Variants in SPTSSA observed in about 807,000 individuals in gnomAD.
SPTSSA encodes small subunit of serine palmitoyltransferase A.
A neutral mutation model predicts 9.1 loss-of-function variants in SPTSSA; 8 were observed. That is an observed-to-expected ratio of 0.88 (90% CI 0.51 to 1.58). The LOEUF (loss-of-function observed/expected upper bound fraction) is 1.58, where lower values mean the gene tolerates loss of function less well. Among genes scored for constraint, SPTSSA ranks in the 40% most tolerant of loss-of-function variants. The pLI, the probability that SPTSSA is intolerant of heterozygous loss-of-function variation, is 0.00. For missense variants in SPTSSA, 100 were observed against 93.8 expected (o/e 1.07, Z -0.27); for synonymous variants, 42 against 37.7 (o/e 1.11, Z -0.41).
intron 1 of SPTSSA, among the ~76,000 whole-genome samples, chr14:34,453,928 C>T (rs150882111): frequency 5.3e-4 from 80 of 151,760 alleles, no homozygotes; most frequent in African/African-American, 1.9e-3. Flanking sequence ...ACCTGTAATC[C>T]GAGCACTTTG....
intron 1 of SPTSSA, among the ~76,000 whole-genome samples, chr14:34,457,244 G>T (rs1229261092): frequency 1.3e-5 from 2 of 151,832 alleles, no homozygotes; most frequent in African/African-American, 4.8e-5. Context: ...TCCCAAAGTT[G>T]ATTCAAATTA....
chr14:34,439,744 G>C (rs1883290464), intron 1 of SPTSSA, among the ~76,000 whole-genome samples: 1 of 152,304 alleles, frequency 6.6e-6, no homozygotes, highest in East Asian at 1.9e-4. Flanking sequence ...TGTCTAGTGT[G>C]TGTCTGGTAC....
intron 1 of SPTSSA, among the ~76,000 whole-genome samples, chr14:34,435,621 C>CTTTT (rs1222408409): frequency 9.5e-6 from 1 of 105,750 alleles, no homozygotes; most frequent in Admixed American, 9.4e-5. Context: ...TTGTTTGTTT[C>CTTTT]TCTTTTTTTT....
intron 1 of SPTSSA, among the ~76,000 whole-genome samples, chr14:34,451,824 A>C (rs1883532925): frequency 6.6e-6 from 1 of 152,174 alleles, no homozygotes; most frequent in Non-Finnish European, 1.5e-5. Context: ...AAGAAAACAA[A>C]GCATTTGACG....
At chr14:34,450,234 C>T (rs1883495828) in intron 1 of SPTSSA, among the ~76,000 whole-genome samples, 2 of 152,158 alleles carry the variant, frequency 1.3e-5, no homozygotes, top group African/African-American at 4.8e-5. Context: ...CAAGTTCATC[C>T]TGCTACTAAT....
At chr14:34,454,085 C>T (rs1288878189) in intron 1 of SPTSSA, among the ~76,000 whole-genome samples, 1 of 151,990 alleles carries the variant, frequency 6.6e-6, no homozygotes, top group African/African-American at 2.4e-5. Flanking sequence ...GAAGCTGAGG[C>T]GGGAAGATCA....
chr14:34,448,406 T>C (rs1883462104), intron 1 of SPTSSA, among the ~76,000 whole-genome samples: 1 of 152,234 alleles, frequency 6.6e-6, no homozygotes, highest in Non-Finnish European at 1.5e-5. Flanking sequence ...TTTATGGGGA[T>C]CACATCTCAA....
chr14:34,452,009 C>T lies in SPTSSA; in HGVS notation c.112+10087G>A, dbSNP rs529096126. ...ACAGAAATGTAAAGAAAGTGCCTAG[C>T]GTGGTGGCTCACGCCTGTAATCCCA... On this transcript the variant is annotated intron_variant, in intron 1 of 1. Coordinates refer to ENST00000298130, the MANE Select transcript of SPTSSA (RefSeq NM_138288.4). 7.1e-4 allele frequency among the ~76,000 whole-genome samples: 108 copies of T among 151,892 alleles called. 3 individuals are homozygous for T. Among genetic ancestry groups the T allele is most frequent in the Non-Finnish European group, 5.4e-4 (37 of 67,998 alleles).
At chr14:34,461,941 G>C (rs1448752941) in intron 1 of SPTSSA, among the ~76,000 whole-genome samples, 155 bp downstream of exon 1, 1 of 48,596 alleles carries the variant, frequency 2.1e-5, no homozygotes. Context: ...CGCCGCCCTC[G>C]GCCCCCAGAC....
At chr14:34,438,700 C>T (rs914538821) in intron 1 of SPTSSA, among the ~76,000 whole-genome samples, 1 of 152,150 alleles carries the variant, frequency 6.6e-6, no homozygotes, top group Non-Finnish European at 1.5e-5. Context: ...TTCAAATTAC[C>T]TATGACTTCT....
intron 1 of SPTSSA, among the ~76,000 whole-genome samples, chr14:34,457,970 G>GAAAA (rs1566427256): frequency 1.3e-4 from 11 of 83,370 alleles, no homozygotes; most frequent in Admixed American, 2.5e-4. Flanking sequence ...AGACTGTCTC[G>GAAAA]GAAAAAAAAA....
intron 1 of SPTSSA, among the ~76,000 whole-genome samples, chr14:34,460,979 G>T (rs1179479410): frequency 6.6e-6 from 1 of 152,130 alleles, no homozygotes; most frequent in Non-Finnish European, 1.5e-5. Flanking sequence ...TCAGCTTTGA[G>T]TACAACCTTA....
Position 34,457,979 on chromosome 14 carries a change from AAAAAAAAAAAAC to A in SPTSSA, c.112+4105_112+4116del, listed in dbSNP as rs1360132888. Among the ~76,000 whole-genome samples the A allele has an allele frequency of 3.9e-4, 58 of 149,520 alleles. 1 individual carries two copies. The East Asian group carries it at 6.6e-3, about 17-fold the overall frequency. On this transcript the variant is annotated intron_variant, in intron 1 of 1. Transcript: ENST00000298130. ...AGAGCAAGACTGTCTCGGAAAAAAA[AAAAAAAAAAAAC>A]AAAGAAAAGAAAAGAAAAGACAGAT...
intron 1 of SPTSSA, among the ~76,000 whole-genome samples, chr14:34,450,176 GTTCT>G (rs1158573251): frequency 6.6e-6 from 1 of 152,170 alleles, no homozygotes; most frequent in Non-Finnish European, 1.5e-5. Flanking sequence ...CATTAAAACT[GTTCT>G]TTGAGGGTTT....
chr14:34,457,730 G>A (rs536337212), intron 1 of SPTSSA, among the ~76,000 whole-genome samples: 1 of 152,028 alleles, frequency 6.6e-6, no homozygotes, highest in Non-Finnish European at 1.5e-5. Flanking sequence ...CCAGCACTTC[G>A]GGAAGCTGAA....
rs533494360 is a variant in SPTSSA, at chr14:34,454,333, C to G, written c.112+7763G>C. ...ATCACTAGAATCACATGCTGAAACACTGCTGCAGAATATCAATGTGTGGTC... is the reference window on the plus strand; with the variant it reads ...ATCACTAGAATCACATGCTGAAACAGTGCTGCAGAATATCAATGTGTGGTC... On this transcript the variant is annotated intron_variant, in intron 1 of 1. Coordinates refer to ENST00000298130, the MANE Select transcript of SPTSSA (RefSeq NM_138288.4). 3.3e-5 allele frequency among the ~76,000 whole-genome samples: 5 copies of G among 152,318 alleles called. No homozygotes were observed. In the East Asian group the frequency reaches 9.6e-4, roughly 29 times the overall value.
chr14:34,459,240 C>T (rs930287192), intron 1 of SPTSSA, among the ~76,000 whole-genome samples: 2 of 151,658 alleles, frequency 1.3e-5, no homozygotes, highest in Non-Finnish European at 2.9e-5. Context: ...TGAGACCAGA[C>T]TGGCCAACAT....
At chr14:34,438,636 C>A (rs1282672841) in intron 1 of SPTSSA, among the ~76,000 whole-genome samples, 1 of 152,170 alleles carries the variant, frequency 6.6e-6, no homozygotes, top group East Asian at 1.9e-4. Context: ...CCGATTAACA[C>A]AACTATTTGC....
At chr14:34,440,502 G>A (rs576030168) in intron 1 of SPTSSA, among the ~76,000 whole-genome samples, 1 of 152,266 alleles carries the variant, frequency 6.6e-6, no homozygotes, top group South Asian at 2.1e-4. Flanking sequence ...TCTTTATGAT[G>A]CTAATTCTTC....
Sources: allele counts gnomAD v4.1 joint callset (sites outside exome capture counted in the v4.1 genomes callset), GRCh38; gene constraint gnomAD v4.1.1; transcripts MANE v1.5; gene names NCBI Gene and HGNC (gene_info 2026-07-23, HGNC 2026-07-21).